AFM: variants seen among roughly 807,000 people sequenced by gnomAD.
The protein encoded by AFM is alpha-Alb.
In AFM, 82 loss-of-function variants were observed where a neutral mutation model predicts 68.7. The observed-to-expected ratio is 1.19, with a 90% CI of 1.00 to 1.43. The LOEUF (loss-of-function observed/expected upper bound fraction) is 1.43, where lower values mean the gene tolerates loss of function less well. AFM is among the 40% of genes most tolerant of loss of function. AFM has a pLI of 0.00. For synonymous variants in AFM, 250 were observed against 234.2 expected, an observed-to-expected ratio of 1.07 and a Z score of -0.61; for missense variants, 772 against 701.8, an observed-to-expected ratio of 1.10 and a Z score of -1.13.
intron 1 of AFM, among the ~76,000 whole-genome samples, chr4:73,482,889 A>G (rs547372797): frequency 6.6e-6 from 1 of 152,300 alleles, no homozygotes; most frequent in Admixed American, 6.5e-5. Context: ...GTGTATAGAA[A>G]TGATCAGATT....
At position 73,489,316 on chromosome 4, in the gene AFM, C is replaced by A. The variant is rs1223485389; in HGVS notation, c.843+557C>A. On this transcript the variant is annotated intron_variant, in intron 7 of 14. Transcript: ENST00000226355. Reference sequence around the variant, plus strand: ...TTCATTTCTTTCCACGTTCCCTTTCCTTTCTGGCCTTTAACTGACAATTAA... The same window carrying A: ...TTCATTTCTTTCCACGTTCCCTTTCATTTCTGGCCTTTAACTGACAATTAA... Among the ~76,000 whole-genome samples, 3 of 151,348 alleles carry A rather than the reference C, an allele frequency of 2.0e-5. No homozygotes were observed. The East Asian group carries it at 5.8e-4, about 29-fold the overall frequency.
At chr4:73,483,539 A>G (rs1008700471) in intron 1 of AFM, among the ~76,000 whole-genome samples, 1 of 152,252 alleles carries the variant, frequency 6.6e-6, no homozygotes, top group Admixed American at 6.5e-5. Context: ...GACCACCAGC[A>G]TGCTACAGCA....
At chr4:73,499,303 A>T in intron 11 of AFM, 57 bp downstream of exon 11, 1 of 1,349,332 alleles carries the variant, frequency 7.4e-7, no homozygotes, top group Non-Finnish European at 9.8e-7. Flanking sequence ...AAAAAAGAAT[A>T]TTTGCACTCA....
chr4:73,486,174 T>A, intron 4 of AFM, 101 bp downstream of exon 4: 1 of 970,082 alleles, frequency 1.0e-6, no homozygotes, highest in South Asian at 1.7e-5. Context: ...ATTAATTTAT[T>A]GATTAATTGT....
In AFM at chr4:73,502,943, G is replaced by A. The variant is rs542268182; in HGVS notation, c.1780-107G>A. 1.7e-4 allele frequency: 175 copies of A among 1,048,180 alleles called. 1 individual carries two copies. The East Asian group carries it at 3.3e-3, about 20-fold the overall frequency. 64.9% of individuals were successfully genotyped at this position (1,048,180 alleles called of 1,614,324 possible). A position where few individuals can be genotyped will look rare whatever the true frequency, so the allele number is the denominator to read the frequency against. On this transcript the variant is annotated intron_variant, in intron 13 of 14. Coordinates refer to ENST00000226355, the MANE Select transcript of AFM (RefSeq NM_001133.2). ...TTTACTGTTTCCCTGTACAACGTGG[G>A]AATGATTTAATTTTCTTCAAAATTC...
rs777088459 is a variant in AFM at position 73,497,764 on chromosome 4, C to T, written c.1289+15C>T. The T allele has an allele frequency of 5.3e-6, 8 of 1,511,694 alleles. No homozygotes were observed. Among genetic ancestry groups the T allele is most frequent in the Non-Finnish European group, 6.4e-6 (7 of 1,095,842 alleles). 93.6% of individuals were successfully genotyped at this position (1,511,694 alleles called of 1,614,324 possible). ...TTGAAATACCAGTATGTTGTTTGCA[C>T]AAGTGGGCTAACACTTGCCACTAGA... On this transcript the variant is annotated intron_variant, in intron 10 of 14. Transcript: ENST00000226355.
In AFM at chr4:73,497,641, C is replaced by G; in HGVS notation, c.1192-11C>G. 6.4e-7 allele frequency: 1 copy of G among 1,560,726 alleles called. No homozygotes were observed. Among genetic ancestry groups the G allele is most frequent in the South Asian group, 1.1e-5 (1 of 88,310 alleles). The stretch of plus-strand genomic sequence containing the variant: ...TAAAATGTTTGTAACCATGATTATT[C>G]TTATTTTCAGGAAGACAAATTCAAT... On this transcript the variant is annotated splice_polypyrimidine_tract_variant and intron_variant, in intron 9 of 14. Transcript: ENST00000226355.
At chr4:73,485,655 GGGAGGAGGA>G (rs557963699) in intron 3 of AFM, among the ~76,000 whole-genome samples, 198 bp from the exon 4 acceptor site, 2 of 143,472 alleles carry the variant, frequency 1.4e-5, no homozygotes, top group East Asian at 2.1e-4. Context: ...GAAGAAGAAG[GGGAGGAGGA>G]GGAGGAGGAG....
At chr4:73,497,501 C>T (rs1434345769) in intron 9 of AFM, 151 bp from the exon 10 acceptor site, 2 of 402,532 alleles carry the variant, frequency 5.0e-6, no homozygotes, top group Admixed American at 4.4e-5. Context: ...TAAGTTCTTG[C>T]ACGTGCTTGT....
chr4:73,497,700 C>G lies in AFM; in HGVS notation c.1240C>G (p.Gln414Glu). The G allele has an allele frequency of 6.2e-7, 1 of 1,610,278 alleles. No homozygotes were observed. Among genetic ancestry groups the G allele is most frequent in the African/African-American group, 1.3e-5 (1 of 74,810 alleles). ...TGAGAAAAGCCTCAAGATGGTACAA[C>G]AAGAATGTAAACATTTCCAGAATTT... ...TTEKSLKMVQ[Q>E]ECKHFQNLGK... is the part of the protein sequence containing the mutation. The change falls in exon 10 of 15, where the codon CAA (glutamine) becomes GAA (glutamate). Residue 414 changes from glutamine (Q) to glutamate (E), a missense_variant. Coordinates refer to ENST00000226355, the MANE Select transcript of AFM (RefSeq NM_001133.2).
intron 7 of AFM, among the ~76,000 whole-genome samples, chr4:73,489,919 G>A (rs910407584): frequency 6.6e-6 from 1 of 152,020 alleles, no homozygotes; most frequent in Admixed American, 6.6e-5. Context: ...AATCTCCATG[G>A]CACACGTATA....
At chr4:73,500,458 C>T (rs560576938) in intron 12 of AFM, among the ~76,000 whole-genome samples, 1 of 152,018 alleles carries the variant, frequency 6.6e-6, no homozygotes, top group East Asian at 1.9e-4. Flanking sequence ...CCAAGTCTAA[C>T]ATTACCTTTA....
Position 73,491,978 on chromosome 4 carries a change from C to G in AFM, c.950C>G (p.Ser317Ter), listed in dbSNP as rs370128371. 200 of 1,613,764 alleles carry G rather than the reference C, an allele frequency of 1.2e-4. 5 individuals are homozygous for G. The East Asian group carries it at 2.1e-3, about 17-fold the overall frequency. The change falls in exon 8 of 15, where the codon TCA becomes TGA. Residue 317 changes from serine (S) to a stop codon, truncating the protein, a stop_gained. Coordinates refer to ENST00000226355, the MANE Select transcript of AFM (RefSeq NM_001133.2). LOFTEE classifies it high-confidence loss of function. ...IPERGQCIIN[S>*]NKDDRPKDLS... ...GAGCGCGGCCAGTGCATAATTAACT[C>G]AAACAAAGATGATAGACCAAAGGAT...
chr4:73,502,923 T>C (rs1350799080), intron 13 of AFM, 127 bp from the exon 14 acceptor site: 1 of 885,378 alleles, frequency 1.1e-6, no homozygotes, highest in Non-Finnish European at 1.8e-6. Context: ...GAATGTTTAC[T>C]GTTTCCCTGT....
rs779323965 is a variant in AFM at position 73,487,080 on chromosome 4, T to C, written c.596T>C (p.Val199Ala). Reference protein sequence around the residue: ...AKSCCEEQNKVNCLQTRAIPV... With the variant: ...AKSCCEEQNKANCLQTRAIPV... ...TCATGTTGTGAAGAACAAAACAAAG[T>C]CAACTGCCTTCAAACAAGGGTGGGT... Residue 199 changes from valine (V) to alanine (A), a missense_variant, in exon 5 of 15, where the codon GTC becomes GCC. Physicochemically the swap from Val to Ala is moderately conservative, Grantham distance 64. Transcript: ENST00000226355. 6.2e-7 allele frequency: 1 copy of C among 1,613,960 alleles called. No homozygotes were observed. Among genetic ancestry groups the C allele is most frequent in the African/African-American group, 1.3e-5 (1 of 75,042 alleles).
rs200612403 is a variant in AFM at position 73,499,188 on chromosome 4, T to C, written c.1364T>C (p.Val455Ala). ...CTGGTGTCTCTTGGCGAGAAAATGG[T>C]GACAGCTTTCACTACTTGCTGTACG... Reference protein sequence around the residue: ...EELVSLGEKMVTAFTTCCTLS... With the variant: ...EELVSLGEKMATAFTTCCTLS... Residue 455 changes from valine to alanine, a missense_variant, in exon 11 of 15, where the codon GTG (valine) becomes GCG (alanine). Val to Ala is a moderately conservative substitution (Grantham distance 64). Transcript: ENST00000226355. 1.6e-5 allele frequency: 26 copies of C among 1,613,034 alleles called. No individual in the cohort carries two copies. The highest frequency in any genetic ancestry group is 2.1e-5 in the Non-Finnish European group (25 of 1,179,528).
In AFM at chr4:73,499,289, TTA is replaced by T. The variant is rs1491482304; in HGVS notation, c.1422+44_1422+45del. On this transcript the variant is annotated intron_variant, in intron 11 of 14. Coordinates refer to ENST00000226355, the MANE Select transcript of AFM (RefSeq NM_001133.2). ...ACCAGACTACTCTTTTTTTTTTTTTTTAAAAAAAAGAATATTTGCACTCATTG... is the reference window on the plus strand; with the variant it reads ...ACCAGACTACTCTTTTTTTTTTTTTTAAAAAAAGAATATTTGCACTCATTG... 312 of 1,392,878 alleles carry T rather than the reference TTA, an allele frequency of 2.2e-4. 1 individual carries two copies. The African/African-American group carries it at 2.9e-3, about 13-fold the overall frequency. 86.3% of individuals were successfully genotyped at this position (1,392,878 alleles called of 1,614,324 possible). A position where few individuals can be genotyped will look rare whatever the true frequency, so the allele number is the denominator to read the frequency against.
chr4:73,485,975 C>G lies in AFM; in HGVS notation c.384C>G (p.Asn128Lys). The G allele has an allele frequency of 1.2e-6, 2 of 1,614,000 alleles. No homozygotes were observed. Among genetic ancestry groups the G allele is most frequent in the Non-Finnish European group, 1.7e-6 (2 of 1,179,882 alleles). Residue 128 changes from asparagine to lysine, a missense_variant, in exon 4 of 15, where the codon AAC (asparagine) becomes AAG (lysine). Transcript: ENST00000226355. ...DAQRRLCFFYNKKSDVGFLPP... is the reference protein window; with the variant it reads ...DAQRRLCFFYKKKSDVGFLPP... ...AAAGAAGACTCTGTTTCTTCTATAA[C>G]AAGAAATCTGATGTGGGATTTCTGC...
intron 2 of AFM, 24 bp from the exon 3 acceptor site, chr4:73,484,234 T>C: frequency 6.3e-7 from 1 of 1,595,358 alleles, no homozygotes. Context: ...CTGATCTTTG[T>C]ATACCCCATG....
Sources: allele counts gnomAD v4.1 joint callset (sites outside exome capture counted in the v4.1 genomes callset), GRCh38; gene constraint gnomAD v4.1.1; transcripts MANE v1.5; gene names NCBI Gene and HGNC (gene_info 2026-07-23, HGNC 2026-07-21).